The following ARHGEF10L variants were observed in gnomAD, a reference collection of about 807,000 sequenced individuals.
The protein encoded by ARHGEF10L is Rho guanine nucleotide exchange factor 10 like.
ARHGEF10L carries 69 observed loss-of-function variants against 141.2 expected under a neutral mutation model. That is an observed-to-expected ratio of 0.49 (90% confidence interval 0.40 to 0.60). ARHGEF10L has a LOEUF of 0.60. Among genes scored for constraint, ARHGEF10L ranks in the 20% least tolerant of loss-of-function variants. ARHGEF10L has a pLI of 0.00. For missense variants in ARHGEF10L, 1,482 were observed against 1,734.3 expected (o/e 0.85, Z 2.58); for synonymous variants, 711 against 718.5 (o/e 0.99, Z 0.17).
In ARHGEF10L at chr1:17,664,442, T is replaced by C. The variant is rs750237802; in HGVS notation, c.2861-5T>C. 12 of 1,601,570 alleles carry C rather than the reference T, an allele frequency of 7.5e-6. No homozygotes were observed. In the East Asian group the frequency reaches 2.0e-4, roughly 27 times the overall value. ...CCCTGACCTGCCTCCCCTCTCTCCC[T>C]GCAGGAGGTGTCCTGTGGGACCTGG... On this transcript the variant is annotated splice_polypyrimidine_tract_variant and splice_region_variant and intron_variant, in intron 25 of 28. Transcript: ENST00000361221.
At chr1:17,695,089 C>T (rs750461594) in intron 27 of ARHGEF10L, 69 bp from the exon 28 acceptor site, 135 of 1,603,416 alleles carry the variant, frequency 8.4e-5, no homozygotes, top group Middle Eastern at 3.3e-4. Flanking sequence ...GCCCTCATCT[C>T]GTGGTGGTAC....
Position 17,687,665 on chromosome 1 carries a change from C to T in ARHGEF10L, c.3102C>T (p.Thr1034=), listed in dbSNP as rs2064725633. ...SGVWMAFSSG[T]SIRLFHTETL... is the part of the protein sequence containing the mutation. ...TCTGGATGGCCTTCTCCTCCGGCAC[C>T]TCCATCCGCCTCTTCCACACTGAGA... The change falls in exon 27 of 29, where the codon ACC becomes ACT. Residue 1034 remains threonine, a synonymous_variant. Transcript: ENST00000361221. 6.2e-7 allele frequency: 1 copy of T among 1,612,402 alleles called. No individual in the cohort carries two copies. Among genetic ancestry groups the T allele is most frequent in the Non-Finnish European group, 8.5e-7 (1 of 1,179,606 alleles).
intron 26 of ARHGEF10L, among the ~76,000 whole-genome samples, chr1:17,678,276 C>T (rs2063850696): frequency 6.6e-6 from 1 of 152,184 alleles, no homozygotes; most frequent in African/African-American, 2.4e-5. Flanking sequence ...GGAGAAGAAA[C>T]ACTAGGCTGG....
At chr1:17,591,332 T>C (rs1022020472) in intron 4 of ARHGEF10L, among the ~76,000 whole-genome samples, 1 of 152,030 alleles carries the variant, frequency 6.6e-6, no homozygotes, top group East Asian at 1.9e-4. Context: ...ATCCTTGACC[T>C]TCCAGGCTTG....
chr1:17,626,536 G>A (rs1247245296), intron 14 of ARHGEF10L, among the ~76,000 whole-genome samples: 1 of 152,168 alleles, frequency 6.6e-6, no homozygotes, highest in Non-Finnish European at 1.5e-5. Flanking sequence ...CAGGCTGAGG[G>A]GTCCGGTGGC....
chr1:17,607,708 C>A lies in ARHGEF10L; in HGVS notation c.434-94C>A. 7.6e-7 allele frequency: 1 copy of A among 1,310,286 alleles called. No individual in the cohort carries two copies. Among genetic ancestry groups the A allele is most frequent in the Non-Finnish European group, 9.9e-7 (1 of 1,008,578 alleles). The allele number at this position is 1,310,286 out of a possible 1,614,324, so 81.2% of individuals were successfully genotyped here. Reference sequence around the variant, plus strand: ...CCCCATGTTCTCCCTGACCCCCCCTCGCCCCACCTGGGTTCAGAAATTGGG... The same window carrying A: ...CCCCATGTTCTCCCTGACCCCCCCTAGCCCCACCTGGGTTCAGAAATTGGG... On this transcript the variant is annotated intron_variant, in intron 6 of 28. Transcript: ENST00000361221. This position sits in a 1 kb window ranked among gnomAD's most constrained non-coding sequence, Gnocchi z 4.5.
chr1:17,667,796 C>T (rs1404670464), intron 26 of ARHGEF10L, among the ~76,000 whole-genome samples: 1 of 152,164 alleles, frequency 6.6e-6, no homozygotes, highest in East Asian at 1.9e-4. Context: ...TCCTCCCAGG[C>T]TCTTCAGGCA....
intron 21 of ARHGEF10L, among the ~76,000 whole-genome samples, chr1:17,646,121 G>C (rs542602374): frequency 6.6e-6 from 1 of 152,212 alleles, no homozygotes; most frequent in Non-Finnish European, 1.5e-5. Flanking sequence ...GTGTGAGCCC[G>C]CCGGGTGCTG....
At chr1:17,686,301 A>G (rs2064591268) in intron 26 of ARHGEF10L, among the ~76,000 whole-genome samples, 1 of 152,160 alleles carries the variant, frequency 6.6e-6, no homozygotes, top group Non-Finnish European at 1.5e-5. Flanking sequence ...TGTTGTAGAT[A>G]GAATTCAAGT....
chr1:17,678,514 G>A (rs1247002136), intron 26 of ARHGEF10L, among the ~76,000 whole-genome samples: 1 of 150,218 alleles, frequency 6.7e-6, no homozygotes, highest in Non-Finnish European at 1.5e-5. Context: ...CTGCCTCCCA[G>A]GTTCAGGCGA....
At chr1:17,652,737 G>T (rs1277941931) in intron 22 of ARHGEF10L, among the ~76,000 whole-genome samples, 6 of 152,148 alleles carry the variant, frequency 3.9e-5, no homozygotes, top group Non-Finnish European at 5.9e-5. Context: ...TTCCCTGATG[G>T]TCAGTCTCAG....
rs564948782 is a variant in ARHGEF10L, at chr1:17,597,004, G to T, written c.258-5123G>T. ...GCACAAAGGTGCTTGGAGCTCTGTG[G>T]ACCAGAAACGCACCAGGTGGCCTTC... On this transcript the variant is annotated intron_variant, in intron 4 of 28. Transcript: ENST00000361221. Among the ~76,000 whole-genome samples, 183 of 152,300 alleles carry T rather than the reference G, an allele frequency of 1.2e-3. 1 individual carries two copies. The highest frequency in any genetic ancestry group is 3.3e-3 in the Admixed American group (50 of 15,304).
At chr1:17,518,453 C>A in the ARHGEF10L span, among the ~76,000 whole-genome samples, 3 of 152,118 alleles carry the variant, frequency 2.0e-5, no homozygotes, top group Non-Finnish European at 4.4e-5. Context: ...TTAATGATCC[C>A]AGAAGATGTT....
chr1:17,580,443 C>A, intron 1 of ARHGEF10L, 110 bp from the exon 2 acceptor site: 1 of 898,572 alleles, frequency 1.1e-6, no homozygotes, highest in Non-Finnish European at 1.8e-6. Flanking sequence ...CTGCCCTGTG[C>A]TCTGAGAGCC....
rs114216920 is a variant in ARHGEF10L, at chr1:17,558,224, T to A, written c.-44+18274T>A. Among the ~76,000 whole-genome samples, 1,405 of 152,136 alleles carry A rather than the reference T, an allele frequency of 9.2e-3. 20 individuals are homozygous for A. Among genetic ancestry groups the A allele is most frequent in the African/African-American group, 0.033 (1,354 of 41,480 alleles). On this transcript the variant is annotated intron_variant, in intron 1 of 28. Transcript: ENST00000361221. The surrounding 1 kb of genome is among the most constrained non-coding windows in gnomAD (Gnocchi z 4.2). ...ATCCATCCATCCATCCGCCTGCCCA[T>A]CCATTCATCCATTTATCTACCCATC...
chr1:17,655,476 C>T (rs12724141), intron 23 of ARHGEF10L, among the ~76,000 whole-genome samples: 6 of 106,128 alleles, frequency 5.7e-5, no homozygotes, highest in African/African-American at 6.1e-5. Flanking sequence ...TCCATCCATC[C>T]ATCTATCCAT....
chr1:17,634,393 C>A, intron 16 of ARHGEF10L, 155 bp from the exon 17 acceptor site: 1 of 1,236,816 alleles, frequency 8.1e-7, no homozygotes, highest in Non-Finnish European at 1.2e-6. Context: ...TCTGTCCACA[C>A]CTGGCCTCTG....
At chr1:17,612,000 C>G (rs2059574981) in intron 7 of ARHGEF10L, among the ~76,000 whole-genome samples, 1 of 152,074 alleles carries the variant, frequency 6.6e-6, no homozygotes, top group Non-Finnish European at 1.5e-5. Context: ...TCCATCCATC[C>G]ATCCATCCTC....
At chr1:17,640,331 A>C in intron 21 of ARHGEF10L, 29 bp downstream of exon 21, 1 of 1,572,050 alleles carries the variant, frequency 6.4e-7, no homozygotes, top group Non-Finnish European at 8.7e-7. Flanking sequence ...AGAGTGCCTC[A>C]GGGGGCAGGG....
Sources: allele counts gnomAD v4.1 joint callset (sites outside exome capture counted in the v4.1 genomes callset), GRCh38; gene constraint gnomAD v4.1.1; non-coding constraint Gnocchi (gnomAD v3.1); transcripts MANE v1.5; gene names NCBI Gene and HGNC (gene_info 2026-07-23, HGNC 2026-07-21).